Variants in GRM5 observed in about 807,000 individuals in gnomAD.
The protein encoded by GRM5 is glutamate metabotropic receptor 5.
In GRM5, 19 loss-of-function variants were observed where a neutral mutation model predicts 83.1. That is an observed-to-expected ratio of 0.23 (90% CI 0.16 to 0.34). The LOEUF is 0.34. Among genes scored for constraint, GRM5 ranks in the 10% least tolerant of loss-of-function variants. GRM5 has a pLI of 1.00. For missense variants in GRM5, 1,160 were observed against 1,588.3 expected, an observed-to-expected ratio of 0.73 and a Z score of 4.58; for synonymous variants, 675 against 633.6, an observed-to-expected ratio of 1.07 and a Z score of -0.98.
At chr11:88,546,820 T>C (rs1214245557) in intron 8 of GRM5, among the ~76,000 whole-genome samples, 1 of 152,106 alleles carries the variant, frequency 6.6e-6, no homozygotes, top group Non-Finnish European at 1.5e-5. Context: ...GGGAGCTTGG[T>C]TTATGCAGAA....
At chr11:88,861,896 G>A (rs1268086817) in intron 2 of GRM5, among the ~76,000 whole-genome samples, 1 of 152,140 alleles carries the variant, frequency 6.6e-6, no homozygotes, top group Non-Finnish European at 1.5e-5. Flanking sequence ...CTCCATAAAA[G>A]ACTGTGAGAC....
At chr11:89,010,702 A>G (rs1219287496) in intron 2 of GRM5, among the ~76,000 whole-genome samples, 1 of 151,534 alleles carries the variant, frequency 6.6e-6, no homozygotes, top group East Asian at 1.9e-4. Context: ...TTAGATGACT[A>G]AGTGGAAACA....
intron 2 of GRM5, among the ~76,000 whole-genome samples, chr11:88,939,212 C>G (rs1042897849): frequency 1.2e-4 from 18 of 151,672 alleles, no homozygotes; most frequent in Non-Finnish European, 3.0e-5. Flanking sequence ...TAAATTTCAC[C>G]ACTGAAGGCC....
intron 1 of GRM5, among the ~76,000 whole-genome samples, chr11:89,050,092 A>G (rs1941727025): frequency 6.6e-6 from 1 of 152,184 alleles, no homozygotes; most frequent in South Asian, 2.1e-4. Context: ...TATCAATCCC[A>G]TGCATTTTAT....
At chr11:88,842,848 C>T (rs1944227961) in intron 3 of GRM5, among the ~76,000 whole-genome samples, 1 of 152,190 alleles carries the variant, frequency 6.6e-6, no homozygotes, top group Non-Finnish European at 1.5e-5. Flanking sequence ...TCTCAACTTA[C>T]ATATTCTCCT....
Position 88,841,491 on chromosome 11 carries a change from A to G in GRM5, c.911+8415T>C, listed in dbSNP as rs1309146496. ...ATGCCTTTCTTATACCCAATCATAC[A>G]CCTACATAAAAGCTGCATTTTCAAA... On this transcript the variant is annotated intron_variant, in intron 3 of 9. Transcript: ENST00000305447. Among the ~76,000 whole-genome samples, 6 of 152,240 alleles carry G rather than the reference A, an allele frequency of 3.9e-5. No individual in the cohort carries two copies. In the East Asian group the frequency reaches 1.2e-3, roughly 29 times the overall value.
chr11:88,654,191 A>C lies in GRM5; in HGVS notation c.912-788T>G, dbSNP rs72639183. Among the ~76,000 whole-genome samples the C allele has an allele frequency of 0.01, 1,595 of 152,282 alleles. 48 individuals are homozygous for C. The East Asian group carries it at 0.12, about 11-fold the overall frequency. On this transcript the variant is annotated intron_variant, in intron 3 of 9. Coordinates refer to ENST00000305447, the MANE Select transcript of GRM5 (RefSeq NM_001143831.3). ...AAAGTTATTTAGGAATTTTAAGATA[A>C]AAGTTTTTGAAATCAGAGGGCTCAT... is the stretch of plus-strand genomic sequence containing the variant.
intron 4 of GRM5, among the ~76,000 whole-genome samples, chr11:88,630,008 C>T (rs1318495732): frequency 6.6e-6 from 1 of 152,162 alleles, no homozygotes; most frequent in African/African-American, 2.4e-5. Flanking sequence ...TGTTTCCTTA[C>T]CTATGACAGT....
chr11:88,729,883 G>T (rs1366533016), intron 3 of GRM5, among the ~76,000 whole-genome samples: 4 of 152,108 alleles, frequency 2.6e-5, no homozygotes, highest in South Asian at 2.1e-4. Flanking sequence ...ATTAACTCAA[G>T]ATGTGTTAAA....
chr11:88,946,291 G>A (rs1001816495), intron 2 of GRM5, among the ~76,000 whole-genome samples: 1 of 152,002 alleles, frequency 6.6e-6, no homozygotes, highest in Non-Finnish European at 1.5e-5. Flanking sequence ...GGTGAGAATG[G>A]AAATTAGTTC....
At chr11:89,007,519 A>C (rs746505785) in intron 2 of GRM5, among the ~76,000 whole-genome samples, 2 of 152,212 alleles carry the variant, frequency 1.3e-5, no homozygotes, top group Non-Finnish European at 2.9e-5. Context: ...GGTTTTTATA[A>C]ATAGAGCATA....
At chr11:88,767,202 G>A (rs1942640241) in intron 3 of GRM5, among the ~76,000 whole-genome samples, 1 of 151,902 alleles carries the variant, frequency 6.6e-6, no homozygotes, top group Non-Finnish European at 1.5e-5. Context: ...TGAAGTTGCA[G>A]AGAAAAGGGA....
intron 3 of GRM5, among the ~76,000 whole-genome samples, chr11:88,660,068 G>T (rs1321516969): frequency 6.6e-6 from 1 of 151,654 alleles, no homozygotes; most frequent in Non-Finnish European, 1.5e-5. Flanking sequence ...GACACTGGTA[G>T]GTTCCAGGCC....
intron 7 of GRM5, among the ~76,000 whole-genome samples, chr11:88,581,169 A>C (rs956572138): frequency 2.6e-5 from 4 of 152,156 alleles, no homozygotes; most frequent in Non-Finnish European, 5.9e-5. Context: ...AACTTTCCCC[A>C]AATTTTCTTC....
At chr11:88,838,084 C>CAAAAAAAAAAAAAAAAAAAA (rs1157680177) in intron 3 of GRM5, among the ~76,000 whole-genome samples, 1 of 55,452 alleles carries the variant, frequency 1.8e-5, no homozygotes, top group Non-Finnish European at 3.3e-5. Context: ...GACTCCATCT[C>CAAAAAAAAAAAAAAAAAAAA]AAAAAAAAAA....
chr11:88,904,298 T>G (rs1314213204), intron 2 of GRM5, among the ~76,000 whole-genome samples: 2 of 152,210 alleles, frequency 1.3e-5, no homozygotes, highest in Non-Finnish European at 2.9e-5. Flanking sequence ...TGACTATTTA[T>G]TTTCCTTCAG....
At chr11:88,692,152 G>A (rs754589777) in intron 3 of GRM5, among the ~76,000 whole-genome samples, 17 of 152,150 alleles carry the variant, frequency 1.1e-4, no homozygotes, top group Non-Finnish European at 2.4e-4. Flanking sequence ...CTAGACCCAG[G>A]ATAGTTAGAA....
intron 2 of GRM5, among the ~76,000 whole-genome samples, chr11:88,974,711 T>G (rs984297234): frequency 2.0e-5 from 3 of 152,148 alleles, no homozygotes; most frequent in African/African-American, 7.2e-5. Flanking sequence ...TGTGCCCAAT[T>G]TTATGGTATT....
chr11:88,645,926 A>G (rs1422382405), intron 4 of GRM5, among the ~76,000 whole-genome samples: 1 of 152,182 alleles, frequency 6.6e-6, no homozygotes, highest in Non-Finnish European at 1.5e-5. Context: ...ACCTTGAGAT[A>G]CAGCATGGAT....
Sources: gnomAD v4.1 joint callset for allele counts (sites outside exome capture counted in the v4.1 genomes callset) on GRCh38, gnomAD v4.1.1 for gene constraint, MANE v1.5 for transcripts, NCBI Gene and HGNC (gene_info 2026-07-23, HGNC 2026-07-21) for gene names.